TACR3: variants seen among roughly 807,000 people sequenced by gnomAD.
TACR3 encodes neuromedin-K receptor.
A neutral mutation model predicts 35.0 loss-of-function variants in TACR3; 34 were observed. The observed-to-expected ratio is 0.97, with a 90% CI of 0.74 to 1.30. TACR3 has a LOEUF of 1.30. TACR3 is among the 50% of genes most tolerant of loss of function. The pLI is 0.00. For missense variants in TACR3, 558 were observed against 591.7 expected (o/e 0.94, Z 0.59); for synonymous variants, 233 against 221.1 (o/e 1.05, Z -0.48).
rs925760702 is a variant in TACR3 at position 103,658,485 on chromosome 4, C to T, written c.549-82G>A. On this transcript the variant is annotated intron_variant, in intron 1 of 4. Coordinates refer to ENST00000304883, the MANE Select transcript of TACR3 (RefSeq NM_001059.3). ...TGGAGTTTCAAAGGTATTTCAAAGGCGTTTCAATAGTTACAGTCATTGCTC... is the reference window on the plus strand; with the variant it reads ...TGGAGTTTCAAAGGTATTTCAAAGGTGTTTCAATAGTTACAGTCATTGCTC... The T allele has an allele frequency of 2.9e-5, 39 of 1,339,596 alleles. No homozygotes were observed. In the African/African-American group the frequency reaches 4.7e-4, roughly 16 times the overall value. The allele number at this position is 1,339,596 out of a possible 1,614,324, so 83.0% of individuals were successfully genotyped here. A position where few individuals can be genotyped will look rare whatever the true frequency, so the allele number is the denominator to read the frequency against.
intron 3 of TACR3, among the ~76,000 whole-genome samples, chr4:103,627,437 T>A (rs1724920662): frequency 6.9e-6 from 1 of 144,934 alleles, no homozygotes; most frequent in Admixed American, 7.0e-5. Flanking sequence ...GGCATGAGAA[T>A]CACTTGAACC....
At position 103,719,972 on chromosome 4, in the gene TACR3, C is replaced by G. The variant is rs560691223; in HGVS notation, c.-297G>C. On this transcript the variant is annotated 5_prime_UTR_variant, in exon 1 of 5. Coordinates refer to ENST00000304883, the MANE Select transcript of TACR3 (RefSeq NM_001059.3). Reference sequence around the variant, plus strand: ...TAGGGAGGGTGCCAGCTGCCCGGCACAGGCTGGAGAACTGAGCGTCCTGCG... The same window carrying G: ...TAGGGAGGGTGCCAGCTGCCCGGCAGAGGCTGGAGAACTGAGCGTCCTGCG... 6.6e-6 allele frequency among the ~76,000 whole-genome samples: 1 copy of G among 152,282 alleles called. No homozygotes were observed. Among genetic ancestry groups the G allele is most frequent in the Non-Finnish European group, 1.5e-5 (1 of 68,020 alleles).
intron 1 of TACR3, among the ~76,000 whole-genome samples, chr4:103,707,869 C>T (rs1240497262): frequency 6.6e-6 from 1 of 152,220 alleles, no homozygotes; most frequent in Non-Finnish European, 1.5e-5. Flanking sequence ...GCGCCTGGCT[C>T]AGAGGGTCCC....
intron 1 of TACR3, among the ~76,000 whole-genome samples, chr4:103,674,816 C>T (rs1469644978): frequency 5.9e-5 from 9 of 152,218 alleles, no homozygotes; most frequent in Non-Finnish European, 1.3e-4. Flanking sequence ...TTCCAAAGTG[C>T]TGGGATTACA....
intron 3 of TACR3, 32 bp downstream of exon 3, chr4:103,656,162 A>G (rs200396496): frequency 2.5e-6 from 4 of 1,611,366 alleles, no homozygotes; most frequent in Admixed American, 1.7e-5. Flanking sequence ...CATAACCTAT[A>G]CAAATGCTAG....
intron 1 of TACR3, among the ~76,000 whole-genome samples, chr4:103,688,398 G>A (rs573603507): frequency 6.6e-6 from 1 of 151,934 alleles, no homozygotes; most frequent in East Asian, 1.9e-4. Context: ...ATTGACAAAT[G>A]GGATCTAATT....
chr4:103,609,219 A>C (rs1441858103), intron 3 of TACR3, among the ~76,000 whole-genome samples: 1 of 152,126 alleles, frequency 6.6e-6, no homozygotes, highest in African/African-American at 2.4e-5. Flanking sequence ...TGTTGGCCTT[A>C]TTCACTGCAT....
intron 3 of TACR3, among the ~76,000 whole-genome samples, chr4:103,612,880 T>C (rs1168867262): frequency 6.6e-6 from 1 of 152,148 alleles, no homozygotes. Flanking sequence ...ATGATAACCC[T>C]CTTTTAAATA....
chr4:103,689,395 TATA>T (rs1722347871), intron 1 of TACR3, among the ~76,000 whole-genome samples: 1 of 152,056 alleles, frequency 6.6e-6, no homozygotes, highest in Non-Finnish European at 1.5e-5. Context: ...AAACTTAAAG[TATA>T]ATAATTGAAA....
At chr4:103,703,448 C>A (rs1007606562) in intron 1 of TACR3, among the ~76,000 whole-genome samples, 1 of 152,120 alleles carries the variant, frequency 6.6e-6, no homozygotes, top group African/African-American at 2.4e-5. Flanking sequence ...AAAGTCTCAA[C>A]ATTCAGAGAA....
chr4:103,714,589 G>C (rs571398673), intron 1 of TACR3, among the ~76,000 whole-genome samples: 286 of 152,162 alleles, frequency 1.9e-3, no homozygotes, highest in Middle Eastern at 6.8e-3. Flanking sequence ...TGTAACAGTT[G>C]ATCTTAGGCT....
In TACR3 at chr4:103,696,916, G is replaced by T. The variant is rs146529141; in HGVS notation, c.548+22212C>A. Among the ~76,000 whole-genome samples the T allele has an allele frequency of 8.1e-3, 1,227 of 152,006 alleles. 20 individuals carry two copies. The highest frequency in any genetic ancestry group is 0.028 in the African/African-American group (1,174 of 41,472). The stretch of plus-strand genomic sequence containing the variant: ...GACCAGCCCCTCTTTCTTTAGCTAT[G>T]ATTATTATTATTATTGAGACAGGTT... On this transcript the variant is annotated intron_variant, in intron 1 of 4. Transcript: ENST00000304883.
At chr4:103,673,056 A>T (rs1484140145) in intron 1 of TACR3, among the ~76,000 whole-genome samples, 1 of 152,152 alleles carries the variant, frequency 6.6e-6, no homozygotes, top group Admixed American at 6.6e-5. Flanking sequence ...TAGCATTGAA[A>T]AGAGCTAGAT....
At chr4:103,616,974 A>T (rs943220167) in intron 3 of TACR3, among the ~76,000 whole-genome samples, 11 of 152,166 alleles carry the variant, frequency 7.2e-5, no homozygotes, top group African/African-American at 1.2e-4. Flanking sequence ...TAAAAGAATT[A>T]AAAAACCCAG....
chr4:103,710,931 G>C (rs1422822477), intron 1 of TACR3, among the ~76,000 whole-genome samples: 2 of 152,192 alleles, frequency 1.3e-5, no homozygotes, highest in East Asian at 3.9e-4. Context: ...ACCCTCCCAA[G>C]ACTAAACCAG....
intron 1 of TACR3, among the ~76,000 whole-genome samples, chr4:103,666,497 T>A (rs1273077779): frequency 6.6e-6 from 1 of 152,118 alleles, no homozygotes; most frequent in Non-Finnish European, 1.5e-5. Context: ...AAATATAAAT[T>A]TTCTATTTTA....
At chr4:103,647,623 G>T (rs1725490392) in intron 3 of TACR3, among the ~76,000 whole-genome samples, 1 of 151,814 alleles carries the variant, frequency 6.6e-6, no homozygotes, top group Admixed American at 6.6e-5. Context: ...TGTGACAATT[G>T]TTATTCTATA....
At chr4:103,628,434 C>T (rs1000136925) in intron 3 of TACR3, among the ~76,000 whole-genome samples, 2 of 151,420 alleles carry the variant, frequency 1.3e-5, no homozygotes, top group Non-Finnish European at 2.9e-5. Flanking sequence ...GGAGAGGAAT[C>T]AAATATACAC....
intron 1 of TACR3, among the ~76,000 whole-genome samples, chr4:103,697,816 G>A (rs1722557605): frequency 6.6e-6 from 1 of 152,148 alleles, no homozygotes. Context: ...ATGCAAATAT[G>A]TATTTATTCT....
Sources: gnomAD v4.1 joint callset for allele counts (sites outside exome capture counted in the v4.1 genomes callset) on GRCh38, gnomAD v4.1.1 for gene constraint, MANE v1.5 for transcripts, NCBI Gene and HGNC (gene_info 2026-07-23, HGNC 2026-07-21) for gene names.